Variants in ARB2A observed in about 807,000 individuals in gnomAD.
ARB2A encodes the protein ARB2 cotranscriptional regulator A.
chr5:93,779,384 C>T, the ARB2A span, among the ~76,000 whole-genome samples: 3 of 152,042 alleles, frequency 2.0e-5, no homozygotes, highest in Non-Finnish European at 2.9e-5. Context: ...CTAATACTTA[C>T]GTGTCCCTTT....
the ARB2A span, among the ~76,000 whole-genome samples, chr5:93,763,901 A>G: frequency 6.6e-6 from 1 of 152,354 alleles, no homozygotes; most frequent in Non-Finnish European, 1.5e-5. Context: ...AACTCACTCA[A>G]AACTGCTCAA....
chr5:94,062,620 C>T, the ARB2A span, among the ~76,000 whole-genome samples: 1 of 152,076 alleles, frequency 6.6e-6, no homozygotes, highest in Non-Finnish European at 1.5e-5. Flanking sequence ...TAGGAAGCTG[C>T]CTGAAGACTG....
At chr5:93,955,022 G>T in the ARB2A span, among the ~76,000 whole-genome samples, 3 of 152,024 alleles carry the variant, frequency 2.0e-5, no homozygotes, top group South Asian at 2.1e-4. Context: ...TGCTGCTGCT[G>T]CCAGGACACA....
At chr5:93,931,551 G>A in the ARB2A span, among the ~76,000 whole-genome samples, 19 of 152,280 alleles carry the variant, frequency 1.2e-4, no homozygotes, top group African/African-American at 4.6e-4. Flanking sequence ...AATTAGGTAA[G>A]TTATCCCTCA....
chr5:94,030,564 T>G, the ARB2A span, among the ~76,000 whole-genome samples: 1 of 152,234 alleles, frequency 6.6e-6, no homozygotes. Context: ...TACAACTCCA[T>G]AACAGACTCT....
chr5:94,017,671 T>C, the ARB2A span, among the ~76,000 whole-genome samples: 1 of 152,180 alleles, frequency 6.6e-6, no homozygotes, highest in Admixed American at 6.5e-5. Flanking sequence ...AGAGAATACC[T>C]GATGGATAAA....
At chr5:93,713,883 C>T in the ARB2A span, among the ~76,000 whole-genome samples, 1 of 152,140 alleles carries the variant, frequency 6.6e-6, no homozygotes, top group Non-Finnish European at 1.5e-5. Context: ...TAGGGAACTA[C>T]TCCCTTTAAA....
chr5:93,648,777 G>A, the ARB2A span, among the ~76,000 whole-genome samples: 5 of 152,192 alleles, frequency 3.3e-5, no homozygotes, highest in Admixed American at 1.3e-4. Flanking sequence ...CAATATGCTT[G>A]AAGTTCTAGA....
the ARB2A span, among the ~76,000 whole-genome samples, chr5:93,705,420 G>A: frequency 3.3e-5 from 5 of 152,068 alleles, no homozygotes; most frequent in South Asian, 2.1e-4. Flanking sequence ...AGATTTTAAC[G>A]GAGATTTGTT....
At chr5:93,914,891 G>T in the ARB2A span, among the ~76,000 whole-genome samples, 1 of 151,750 alleles carries the variant, frequency 6.6e-6, no homozygotes, top group East Asian at 1.9e-4. Context: ...GATAATCAGG[G>T]TCATCATTAC....
the ARB2A span, among the ~76,000 whole-genome samples, chr5:94,053,594 C>T: frequency 9.9e-5 from 15 of 152,068 alleles, 1 homozygote; most frequent in African/African-American, 2.2e-4. Flanking sequence ...GAAACATTTA[C>T]GAATAAAGAA....
the ARB2A span, among the ~76,000 whole-genome samples, chr5:93,899,726 CA>C: frequency 3.3e-5 from 5 of 152,074 alleles, no homozygotes; most frequent in Non-Finnish European, 7.4e-5. Context: ...ATAGTTTAAT[CA>C]CATGATTATT....
the ARB2A span, among the ~76,000 whole-genome samples, chr5:93,934,046 A>G: frequency 6.6e-6 from 1 of 152,016 alleles, no homozygotes; most frequent in Non-Finnish European, 1.5e-5. Context: ...AACTGGAGAG[A>G]AAATATGATC....
chr5:93,838,595 T>G, the ARB2A span, among the ~76,000 whole-genome samples: 1 of 152,188 alleles, frequency 6.6e-6, no homozygotes, highest in African/African-American at 2.4e-5. Flanking sequence ...CATTGGTCGT[T>G]TGATAGGAAC....
At chr5:93,906,224 T>C in the ARB2A span, among the ~76,000 whole-genome samples, 1 of 151,526 alleles carries the variant, frequency 6.6e-6, no homozygotes, top group Non-Finnish European at 1.5e-5. Flanking sequence ...CACTTGGCTT[T>C]TGACATACAT....
the ARB2A span, among the ~76,000 whole-genome samples, chr5:93,662,165 AT>A: frequency 2.6e-5 from 4 of 152,180 alleles, no homozygotes; most frequent in African/African-American, 9.7e-5. Context: ...TTATGTTAAG[AT>A]TTCAGGGTGA....
At chr5:94,053,127 T>G in the ARB2A span, 1 of 1,543,702 alleles carries the variant, frequency 6.5e-7, no homozygotes, top group Non-Finnish European at 8.8e-7. Context: ...CCCACTTACT[T>G]TCATTAAAAG....
At chr5:94,010,125 G>A in the ARB2A span, among the ~76,000 whole-genome samples, 2 of 151,734 alleles carry the variant, frequency 1.3e-5, no homozygotes, top group African/African-American at 2.4e-5. Flanking sequence ...AATTTCTTAA[G>A]GTGGAAGGTT....
chr5:93,723,327 C>A, the ARB2A span, among the ~76,000 whole-genome samples: 390 of 152,224 alleles, frequency 2.6e-3, 2 homozygotes, highest in Admixed American at 5.4e-3. Flanking sequence ...GTTAGTTACA[C>A]TAATTACAGC....
Sources: allele counts gnomAD v4.1 joint callset (sites outside exome capture counted in the v4.1 genomes callset), GRCh38; gene constraint gnomAD v4.1.1; transcripts MANE v1.5; gene names NCBI Gene and HGNC (gene_info 2026-07-23, HGNC 2026-07-21).